The following CCDC171 variants were observed in gnomAD, a reference collection of about 807,000 sequenced individuals.
The protein encoded by CCDC171 is coiled-coil domain-containing protein 171.
In CCDC171, 177 loss-of-function variants were observed where a neutral mutation model predicts 168.2. That is an observed-to-expected ratio of 1.05 (90% confidence interval 0.93 to 1.19). The LOEUF (loss-of-function observed/expected upper bound fraction) is 1.19, where lower values mean the gene tolerates loss of function less well. Ranked by LOEUF, CCDC171 falls within the 50% of genes most tolerant of loss-of-function variation. The pLI, the probability that CCDC171 is intolerant of heterozygous loss-of-function variation, is 0.00. For missense variants in CCDC171, 1,991 were observed against 1,539.0 expected, an observed-to-expected ratio of 1.29 and a Z score of -4.91; for synonymous variants, 687 against 540.8, an observed-to-expected ratio of 1.27 and a Z score of -3.75.
At position 15,634,255 on chromosome 9, in the gene CCDC171, T is replaced by G. The variant is rs558452437; in HGVS notation, c.822+10842T>G. On this transcript the variant is annotated intron_variant, in intron 7 of 25. Transcript: ENST00000380701. The stretch of plus-strand genomic sequence containing the variant: ...AATTTTTTTTAACTTTTAAAAAAAT[T>G]AAAGATATAATTTGAATAATAAAAA... Among the ~76,000 whole-genome samples the G allele has an allele frequency of 4.1e-4, 62 of 152,214 alleles. No individual in the cohort carries two copies. In the East Asian group the frequency reaches 6.0e-3, roughly 15 times the overall value.
intron 21 of CCDC171, among the ~76,000 whole-genome samples, chr9:15,826,202 T>C (rs189620211): frequency 1.3e-3 from 204 of 152,224 alleles, no homozygotes; most frequent in African/African-American, 4.6e-3. Context: ...TTTCTGTGTT[T>C]TCTTATAGTT....
the CCDC171 span, among the ~76,000 whole-genome samples, chr9:16,080,026 G>A: frequency 6.6e-6 from 1 of 152,126 alleles, no homozygotes; most frequent in African/African-American, 2.4e-5. Flanking sequence ...ACTTCTCATG[G>A]CATCAGCTTC....
chr9:15,771,344 G>A (rs903018583), intron 18 of CCDC171, among the ~76,000 whole-genome samples: 1 of 151,950 alleles, frequency 6.6e-6, no homozygotes, highest in African/African-American at 2.4e-5. Flanking sequence ...AACACCTTTG[G>A]CATGCAAAAT....
intron 21 of CCDC171, among the ~76,000 whole-genome samples, chr9:15,787,233 G>A (rs1482108898): frequency 6.6e-6 from 1 of 151,500 alleles, no homozygotes; most frequent in Non-Finnish European, 1.5e-5. Context: ...ATTTCTTTGT[G>A]GTGATAATCC....
At chr9:15,748,753 C>T (rs971724565) in intron 18 of CCDC171, among the ~76,000 whole-genome samples, 4 of 152,122 alleles carry the variant, frequency 2.6e-5, no homozygotes, top group Admixed American at 1.3e-4. Context: ...AAATAAAATC[C>T]TTTACAGACA....
At chr9:15,731,499 G>A (rs988952952) in intron 16 of CCDC171, among the ~76,000 whole-genome samples, 2 of 152,082 alleles carry the variant, frequency 1.3e-5, no homozygotes, top group African/African-American at 4.8e-5. Flanking sequence ...TTAATGTTCC[G>A]AGCATAATGT....
At chr9:16,079,644 C>T in the CCDC171 span, among the ~76,000 whole-genome samples, 1 of 152,202 alleles carries the variant, frequency 6.6e-6, no homozygotes, top group Non-Finnish European at 1.5e-5. Flanking sequence ...CCAAATCTGC[C>T]AACACTTTGC....
At position 15,779,152 on chromosome 9, in the gene CCDC171, T is replaced by G. The variant is rs2057516310; in HGVS notation, c.3081+2T>G. The G allele has an allele frequency of 1.3e-6, 2 of 1,527,414 alleles. No individual in the cohort carries two copies. Among genetic ancestry groups the G allele is most frequent in the African/African-American group, 1.4e-5 (1 of 71,576 alleles). 94.6% of individuals were successfully genotyped at this position (1,527,414 alleles called of 1,614,324 possible). A position where few individuals can be genotyped will look rare whatever the true frequency, so the allele number is the denominator to read the frequency against. On this transcript the variant is annotated splice_donor_variant, in intron 20 of 25. Coordinates refer to ENST00000380701, the MANE Select transcript of CCDC171 (RefSeq NM_173550.4). LOFTEE classifies it high-confidence loss of function. ...CAATTAAATGAATTTAAGCAGTCTG[T>G]AAGTATATATCATTTAGGAAACTGT... is the stretch of plus-strand genomic sequence containing the variant.
intron 25 of CCDC171, among the ~76,000 whole-genome samples, chr9:15,942,875 C>CA (rs1472955895): frequency 1.3e-5 from 2 of 151,770 alleles, no homozygotes; most frequent in Admixed American, 1.3e-4. Flanking sequence ...ATATTAATAG[C>CA]AATGTAGAAT....
chr9:15,751,283 C>G (rs1295661677), intron 18 of CCDC171, among the ~76,000 whole-genome samples: 1 of 151,734 alleles, frequency 6.6e-6, no homozygotes, highest in Non-Finnish European at 1.5e-5. Context: ...TAAAAGAGGT[C>G]ACAAATGGCA....
intron 18 of CCDC171, among the ~76,000 whole-genome samples, chr9:15,748,901 G>A (rs1191089817): frequency 6.6e-6 from 1 of 152,136 alleles, no homozygotes; most frequent in Non-Finnish European, 1.5e-5. Flanking sequence ...TGAAGAAACT[G>A]CATCAAGTAA....
intron 3 of CCDC171, among the ~76,000 whole-genome samples, chr9:15,984,566 A>T (rs1001154288): frequency 8.5e-5 from 13 of 152,148 alleles, no homozygotes; most frequent in African/African-American, 2.9e-4. Context: ...CTAGAGTAAG[A>T]TTTCTCTGTG....
At chr9:15,583,174 T>G (rs1045397275) in intron 4 of CCDC171, among the ~76,000 whole-genome samples, 4 of 152,098 alleles carry the variant, frequency 2.6e-5, no homozygotes, top group African/African-American at 7.2e-5. Context: ...CCCAGCACTT[T>G]GGGAGGCCGA....
At chr9:15,632,249 C>T (rs2045776777) in intron 7 of CCDC171, among the ~76,000 whole-genome samples, 1 of 149,488 alleles carries the variant, frequency 6.7e-6, no homozygotes, top group African/African-American at 2.4e-5. Flanking sequence ...TTGCAGACAA[C>T]ATGATTGTAT....
At chr9:15,842,448 C>G (rs956302371) in intron 21 of CCDC171, among the ~76,000 whole-genome samples, 22 of 152,016 alleles carry the variant, frequency 1.4e-4, no homozygotes, top group African/African-American at 2.4e-5. Context: ...TCAGGGAATT[C>G]ATTCATAAAT....
chr9:15,903,524 C>A (rs939508861), intron 24 of CCDC171, among the ~76,000 whole-genome samples: 2 of 152,136 alleles, frequency 1.3e-5, no homozygotes, highest in Non-Finnish European at 2.9e-5. Flanking sequence ...AAAACCCCAT[C>A]TGTACGTCAC....
chr9:15,764,780 A>T (rs1406970968), intron 18 of CCDC171, among the ~76,000 whole-genome samples: 1 of 152,172 alleles, frequency 6.6e-6, no homozygotes, highest in Non-Finnish European at 1.5e-5. Context: ...CATGTAGGGT[A>T]GTGATTTTAA....
chr9:16,095,869 C>CAT, the CCDC171 span, among the ~76,000 whole-genome samples: 13,528 of 123,414 alleles, frequency 0.11, 779 homozygotes, highest in East Asian at 0.18. Context: ...CACATAGGCA[C>CAT]ATATATATAT....
chr9:15,859,411 T>C (rs2130941887), intron 23 of CCDC171, among the ~76,000 whole-genome samples: 1 of 152,060 alleles, frequency 6.6e-6, no homozygotes, highest in South Asian at 2.1e-4. Context: ...TAAAATATAT[T>C]TCGAAGTTTT....
Sources: gnomAD v4.1 joint callset for allele counts (sites outside exome capture counted in the v4.1 genomes callset) on GRCh38, gnomAD v4.1.1 for gene constraint, MANE v1.5 for transcripts, NCBI Gene and HGNC (gene_info 2026-07-23, HGNC 2026-07-21) for gene names.